The following MSANTD2 variants were observed in gnomAD, a reference collection of about 807,000 sequenced individuals.
The protein encoded by MSANTD2 is Myb/SANT DNA binding domain containing 2.
In MSANTD2, 19 loss-of-function variants were observed where a neutral mutation model predicts 52.6. That is an observed-to-expected ratio of 0.36 (90% CI 0.25 to 0.53). MSANTD2 has a LOEUF of 0.53. MSANTD2 is among the 20% of genes least tolerant of loss of function. The pLI, the probability that MSANTD2 is intolerant of heterozygous loss-of-function variation, is 0.91. For synonymous variants in MSANTD2, 291 were observed against 289.7 expected (o/e 1.00, Z -0.04); for missense variants, 558 against 716.3 (o/e 0.78, Z 2.52).
chr11:124,774,927 T>A lies in MSANTD2; in HGVS notation c.558A>T (p.Lys186Asn). ...GTTCAAATGTGTAACTGCTCTTTCT[T>A]TTCCCAACACCATGTTCTTTCACCC... ...YSRVKEHGVG[K>N]RKSSYTFEQL... The change falls in exon 2 of 4, where the codon AAA (lysine) becomes AAT (asparagine). Residue 186 changes from lysine (K) to asparagine (N), a missense_variant. Coordinates refer to ENST00000374979, the MANE Select transcript of MSANTD2 (RefSeq NM_001308027.2). The surrounding 1 kb of genome is among the most constrained non-coding windows in gnomAD (Gnocchi z 5.1). 2 of 1,595,548 alleles carry A rather than the reference T, an allele frequency of 1.3e-6. No individual in the cohort carries two copies. Among genetic ancestry groups the A allele is most frequent in the Non-Finnish European group, 1.7e-6 (2 of 1,173,554 alleles).
chr11:124,791,931 T>C (rs775981463), intron 1 of MSANTD2: 4 of 274,100 alleles, frequency 1.5e-5, no homozygotes, highest in Non-Finnish European at 2.8e-5. Flanking sequence ...TTCAGTATAG[T>C]GTCATTATGT....
chr11:124,781,587 A>T lies in MSANTD2; in HGVS notation c.511-6613T>A, dbSNP rs116217544. ...AATGTCTACAATAATTCAATCCTCA[A>T]CCCAATGGGATCACAGTCTAATTTA... On this transcript the variant is annotated intron_variant, in intron 1 of 3. Transcript: ENST00000374979. 3.2e-3 allele frequency among the ~76,000 whole-genome samples: 483 copies of T among 151,512 alleles called. 4 individuals carry two copies. Among genetic ancestry groups the T allele is most frequent in the African/African-American group, 0.011 (464 of 41,280 alleles).
chr11:124,772,531 A>T (rs915508314), intron 3 of MSANTD2, among the ~76,000 whole-genome samples: 2 of 152,134 alleles, frequency 1.3e-5, no homozygotes, highest in Non-Finnish European at 2.9e-5. Flanking sequence ...AGGTCAGGAG[A>T]TCGAGATAAT....
chr11:124,784,123 C>A, intron 1 of MSANTD2: 1 of 984,850 alleles, frequency 1.0e-6, no homozygotes, highest in Non-Finnish European at 1.2e-6. Flanking sequence ...GCAGATAACA[C>A]TATTTGTCTA....
intron 1 of MSANTD2, chr11:124,791,828 G>T: frequency 6.0e-6 from 3 of 497,930 alleles, no homozygotes; most frequent in Non-Finnish European, 1.1e-5. Context: ...TGTGTTAGGT[G>T]CATTCACTGT....
chr11:124,770,220 AG>A (rs1187080176), intron 3 of MSANTD2, among the ~76,000 whole-genome samples: 4 of 152,196 alleles, frequency 2.6e-5, no homozygotes, highest in African/African-American at 7.2e-5. Context: ...TATAAGGAAG[AG>A]ATAGGACACT....
chr11:124,773,311 C>CTT, intron 2 of MSANTD2: 1 of 284,594 alleles, frequency 3.5e-6, no homozygotes, highest in Non-Finnish European at 6.5e-6. Flanking sequence ...TAGCTAGGAG[C>CTT]TTAAAGCTTA....
chr11:124,795,299 C>G (rs1228154735), intron 1 of MSANTD2, among the ~76,000 whole-genome samples: 1 of 152,212 alleles, frequency 6.6e-6, no homozygotes, highest in Non-Finnish European at 1.5e-5. Flanking sequence ...AAGTACACAT[C>G]TGTTTCAAAG....
intron 1 of MSANTD2, among the ~76,000 whole-genome samples, chr11:124,795,833 A>T (rs1945475856): frequency 6.6e-6 from 1 of 152,222 alleles, no homozygotes; most frequent in Non-Finnish European, 1.5e-5. Flanking sequence ...CACTAGATAA[A>T]AAACTACCTA....
At chr11:124,796,332 G>C (rs1224212296) in intron 1 of MSANTD2, among the ~76,000 whole-genome samples, 5 of 152,152 alleles carry the variant, frequency 3.3e-5, no homozygotes, top group African/African-American at 4.8e-5. Flanking sequence ...CTGCTAATCA[G>C]AAATTATCTG....
intron 1 of MSANTD2, among the ~76,000 whole-genome samples, chr11:124,793,705 T>C (rs1305645594): frequency 6.6e-6 from 1 of 152,196 alleles, no homozygotes; most frequent in Non-Finnish European, 1.5e-5. Flanking sequence ...GACAGGGCTG[T>C]CCTAGGGAAC....
chr11:124,786,670 T>G (rs1945171837), intron 1 of MSANTD2, among the ~76,000 whole-genome samples: 1 of 152,218 alleles, frequency 6.6e-6, no homozygotes, highest in African/African-American at 2.4e-5. Context: ...AAATTCTTCC[T>G]CAGGACTTCC....
At chr11:124,791,225 T>C (rs1262683696) in intron 1 of MSANTD2, 19 of 1,376,210 alleles carry the variant, frequency 1.4e-5, no homozygotes, top group Admixed American at 1.4e-4. Context: ...ATGCCATCAT[T>C]GACCATCAAT....
At chr11:124,784,801 C>G in intron 1 of MSANTD2, 1 of 350,746 alleles carries the variant, frequency 2.9e-6, no homozygotes, top group Middle Eastern at 1.4e-3. Context: ...TAAAATCATA[C>G]AAAAACTAAG....
intron 1 of MSANTD2, chr11:124,783,634 AAAAAT>A (rs1302052411): frequency 1.3e-6 from 1 of 749,898 alleles, no homozygotes; most frequent in African/African-American, 1.9e-5. Context: ...AATAAAAATA[AAAAAT>A]AAAAGAAAGT....
At position 124,779,378 on chromosome 11, in the gene MSANTD2, A is replaced by AT. The variant is rs1944865963; in HGVS notation, c.511-4405dup. ...TAGGGCAAAGTAGAAAACAAACTAA[A>AT]TAAATCATAAAGGCATATGCCAACC... is the stretch of plus-strand genomic sequence containing the variant. On this transcript the variant is annotated intron_variant, in intron 1 of 3. Coordinates refer to ENST00000374979, the MANE Select transcript of MSANTD2 (RefSeq NM_001308027.2). This position sits in a 1 kb window ranked among gnomAD's most constrained non-coding sequence, Gnocchi z 4.6. Among the ~76,000 whole-genome samples the AT allele has an allele frequency of 6.6e-6, 1 of 152,218 alleles. No individual in the cohort carries two copies. The highest frequency in any genetic ancestry group is 2.1e-4 in the South Asian group (1 of 4,832).
intron 1 of MSANTD2, chr11:124,791,629 A>T: frequency 1.4e-6 from 2 of 1,479,316 alleles, no homozygotes; most frequent in Non-Finnish European, 1.9e-6. Context: ...GGCAGCTTCC[A>T]TCCTTCCAGA....
rs1390449369 is a variant in MSANTD2 at position 124,767,557 on chromosome 11, C to T, written c.1299G>A (p.Arg433=). ...TTTGCTCCATGTGTGGTGAGAGGGG[C>T]CTCTCAATACATTCTTCATAGCCAA... The part of the protein sequence containing the change: ...YAIGYEECIE[R]PLSPHMEQSS... The change falls in exon 4 of 4, where the codon AGG becomes AGA. Residue 433 remains arginine (R), a synonymous_variant. Coordinates refer to ENST00000374979, the MANE Select transcript of MSANTD2 (RefSeq NM_001308027.2). This position sits in a 1 kb window ranked among gnomAD's most constrained non-coding sequence, Gnocchi z 6.5. The T allele has an allele frequency of 2.5e-6, 4 of 1,614,114 alleles. No homozygotes were observed. The highest frequency in any genetic ancestry group is 2.5e-6 in the Non-Finnish European group (3 of 1,180,010).
intron 1 of MSANTD2, among the ~76,000 whole-genome samples, chr11:124,795,343 G>C (rs1410914006): frequency 6.6e-6 from 1 of 152,164 alleles, no homozygotes; most frequent in African/African-American, 2.4e-5. Flanking sequence ...CAAATTTTTG[G>C]AGAACACCCA....
Sources: allele counts gnomAD v4.1 joint callset (sites outside exome capture counted in the v4.1 genomes callset), GRCh38; gene constraint gnomAD v4.1.1; non-coding constraint Gnocchi (gnomAD v3.1); transcripts MANE v1.5; gene names NCBI Gene and HGNC (gene_info 2026-07-23, HGNC 2026-07-21).